TCF7L2: variants seen among roughly 807,000 people sequenced by gnomAD.
TCF7L2 encodes transcription factor 7-like 2.
A neutral mutation model predicts 77.9 loss-of-function variants in TCF7L2; 23 were observed. The ratio of observed to expected loss-of-function variants is 0.30; its 90% CI spans 0.21 to 0.42. The LOEUF (loss-of-function observed/expected upper bound fraction) is 0.42. Among genes scored for constraint, TCF7L2 ranks in the 10% least tolerant of loss-of-function variants. TCF7L2 has a pLI of 1.00. For synonymous variants in TCF7L2, 413 were observed against 340.2 expected (o/e 1.21, Z -2.36); for missense variants, 654 against 793.1 (o/e 0.82, Z 2.11).
chr10:112,952,604 G>A (rs1333570236), intron 3 of TCF7L2, among the ~76,000 whole-genome samples: 1 of 152,176 alleles, frequency 6.6e-6, no homozygotes, highest in Non-Finnish European at 1.5e-5. Context: ...GGCCCGTCGT[G>A]GGCCCCAGGG....
chr10:112,968,081 C>T (rs752448880), intron 4 of TCF7L2, among the ~76,000 whole-genome samples: 2 of 152,284 alleles, frequency 1.3e-5, no homozygotes, highest in Middle Eastern at 3.4e-3. Flanking sequence ...CATATGTGAA[C>T]GTCCATGAAA....
chr10:113,100,070 GT>G (rs1317526453), intron 5 of TCF7L2, among the ~76,000 whole-genome samples: 4 of 152,188 alleles, frequency 2.6e-5, no homozygotes, highest in Non-Finnish European at 4.4e-5. Flanking sequence ...CAGGTCATCC[GT>G]GACTTAGCTG....
chr10:113,162,247 A>T (rs186251712), intron 13 of TCF7L2, among the ~76,000 whole-genome samples: 2 of 152,306 alleles, frequency 1.3e-5, no homozygotes, highest in Admixed American at 1.3e-4. Flanking sequence ...GTAGAAATGT[A>T]CAACTGACAC....
chr10:113,103,006 A>T (rs373238019), intron 5 of TCF7L2, among the ~76,000 whole-genome samples: 1 of 152,198 alleles, frequency 6.6e-6, no homozygotes, highest in Non-Finnish European at 1.5e-5. Flanking sequence ...AGTGGTTTTC[A>T]TATATTAACT....
intron 5 of TCF7L2, among the ~76,000 whole-genome samples, chr10:113,101,169 T>C (rs535127073): frequency 6.6e-6 from 1 of 152,324 alleles, no homozygotes; most frequent in South Asian, 2.1e-4. Context: ...TTCCTCCCTA[T>C]AAAAAGGAGC....
At chr10:113,063,893 C>CGTGTGTGT (rs34087825) in intron 5 of TCF7L2, among the ~76,000 whole-genome samples, 6,390 of 147,068 alleles carry the variant, frequency 0.043, 425 homozygotes, top group African/African-American at 0.14. Context: ...ATGGATGTGG[C>CGTGTGTGT]GTGTGTGTGT....
intron 4 of TCF7L2, among the ~76,000 whole-genome samples, chr10:113,009,582 G>T (rs1394006009): frequency 2.6e-5 from 4 of 152,206 alleles, no homozygotes; most frequent in African/African-American, 7.2e-5. Flanking sequence ...ATCCTGGGGT[G>T]TTGAGGAAAC....
intron 4 of TCF7L2, among the ~76,000 whole-genome samples, chr10:113,005,264 G>A (rs772508882): frequency 4.6e-5 from 7 of 152,186 alleles, no homozygotes; most frequent in Admixed American, 1.3e-4. Context: ...CCACGATCCC[G>A]TCAGCACTGT....
At chr10:113,025,324 C>T (rs551104206) in intron 4 of TCF7L2, among the ~76,000 whole-genome samples, 3 of 151,170 alleles carry the variant, frequency 2.0e-5, no homozygotes, top group Non-Finnish European at 4.4e-5. Flanking sequence ...CTGCAATCTC[C>T]GCCTCCTGGG....
chr10:112,954,587 G>GTCTA (rs1299627919), intron 3 of TCF7L2, among the ~76,000 whole-genome samples: 1 of 152,196 alleles, frequency 6.6e-6, no homozygotes, highest in Non-Finnish European at 1.5e-5. Context: ...TTAAGGAGAG[G>GTCTA]TCTAGTTAAG....
chr10:113,134,318 A>G lies in TCF7L2; in HGVS notation c.553-6866A>G, dbSNP rs539692173. ...ACTGCTGTTTTTATTCTGTGTATAT[A>G]TAAGAGGTTTGCAGGATGCAAAAGC... On this transcript the variant is annotated intron_variant, in intron 5 of 13. Coordinates refer to ENST00000627217, the MANE Select transcript of TCF7L2 (RefSeq NM_001146274.2). Among the ~76,000 whole-genome samples the G allele has an allele frequency of 1.9e-3, 286 of 152,298 alleles. 1 individual carries two copies. Among genetic ancestry groups the G allele is most frequent in the African/African-American group, 6.5e-3 (271 of 41,566 alleles).
intron 13 of TCF7L2, among the ~76,000 whole-genome samples, chr10:113,164,664 A>G (rs1039827198): frequency 6.6e-6 from 1 of 150,974 alleles, no homozygotes; most frequent in African/African-American, 2.4e-5. Flanking sequence ...ACAACCAGTT[A>G]TTCTCGTTCC....
chr10:113,151,951 G>A lies in TCF7L2; in HGVS notation c.1161+67G>A, dbSNP rs2137161948. The A allele has an allele frequency of 6.5e-7, 1 of 1,534,622 alleles. No homozygotes were observed. The highest frequency in any genetic ancestry group is 8.7e-7 in the Non-Finnish European group (1 of 1,147,720). On this transcript the variant is annotated intron_variant, in intron 10 of 13. Transcript: ENST00000627217. The surrounding 1 kb of genome is among the most constrained non-coding windows in gnomAD (Gnocchi z 5.2). The stretch of plus-strand genomic sequence containing the variant: ...TGAGGGACCAGAGTGCAGCAGGTCA[G>A]GTGGCAGAATGTCTCTGTCCCCATT...
intron 4 of TCF7L2, among the ~76,000 whole-genome samples, chr10:113,002,838 G>T (rs2044738034): frequency 6.6e-6 from 1 of 152,170 alleles, no homozygotes; most frequent in South Asian, 2.1e-4. Context: ...CTTGGAGGAG[G>T]ATGTGTTGAA....
chr10:112,959,993 T>C (rs968827256), intron 3 of TCF7L2, among the ~76,000 whole-genome samples: 1 of 148,112 alleles, frequency 6.8e-6, no homozygotes, highest in Non-Finnish European at 1.5e-5. Flanking sequence ...TTTTTTTTTT[T>C]AATATAGATA....
intron 4 of TCF7L2, among the ~76,000 whole-genome samples, chr10:112,998,140 T>C (rs1206458411): frequency 6.6e-6 from 1 of 151,270 alleles, no homozygotes; most frequent in Non-Finnish European, 1.5e-5. Context: ...AGTCTTACCA[T>C]GTTGGCCAGT....
In TCF7L2 at chr10:113,165,593, G is replaced by A. The variant is rs1485862151; in HGVS notation, c.1430G>A (p.Gly477Asp). The A allele has an allele frequency of 1.7e-5, 27 of 1,613,994 alleles. No homozygotes were observed. The highest frequency in any genetic ancestry group is 2.3e-5 in the Non-Finnish European group (27 of 1,179,956). The change falls in exon 14 of 14, where the codon GGC (glycine) becomes GAC (aspartate). Residue 477 changes from glycine to aspartate, a missense_variant. By Grantham distance (94) the Gly-to-Asp change is moderately conservative. Transcript: ENST00000627217. ...TGCGTTCGCTACATACAAGGTGAAG[G>A]CAGCTGCCTCAGCCCACCCTCTTCA...
Position 113,160,444 on chromosome 10 carries a change from A to T in TCF7L2, c.1319-175A>T, listed in dbSNP as rs373001158. Among the ~76,000 whole-genome samples the T allele has an allele frequency of 7.2e-3, 1,081 of 149,772 alleles. 19 individuals are homozygous for T. The highest frequency in any genetic ancestry group is 0.035 in the South Asian group (164 of 4,710). ...GTGTGTTTTATTGTTTTATTTTATT[A>T]TTTTTTTTCTTTTGGCTCATAGAAG... On this transcript the variant is annotated intron_variant, in intron 12 of 13. Transcript: ENST00000627217.
At chr10:113,005,316 A>G (rs2045338150) in intron 4 of TCF7L2, among the ~76,000 whole-genome samples, 1 of 152,172 alleles carries the variant, frequency 6.6e-6, no homozygotes, top group Non-Finnish European at 1.5e-5. Context: ...TGGGTCTCAG[A>G]AGATGGGTTA....
Sources: gnomAD v4.1 joint callset for allele counts (sites outside exome capture counted in the v4.1 genomes callset) on GRCh38, gnomAD v4.1.1 for gene constraint, Gnocchi (gnomAD v3.1) non-coding constraint, MANE v1.5 for transcripts, NCBI Gene and HGNC (gene_info 2026-07-23, HGNC 2026-07-21) for gene names.